Variants in KDM4B observed in about 807,000 individuals in gnomAD.
KDM4B encodes the protein lysine-specific demethylase 4B.
In KDM4B, 32 loss-of-function variants were observed where a neutral mutation model predicts 125.2. The ratio of observed to expected loss-of-function variants is 0.26; its 90% CI spans 0.19 to 0.34. The LOEUF is 0.34. KDM4B is among the 10% of genes least tolerant of loss of function. The probability of loss-of-function intolerance (pLI) is 1.00; values close to 1 mark genes in which losing one functional copy is unlikely to be tolerated. For synonymous variants in KDM4B, 721 were observed against 677.9 expected (o/e 1.06, Z -0.99); for missense variants, 1,190 against 1,577.7 (o/e 0.75, Z 4.16).
chr19:4,986,913 G>A (rs11672800), intron 1 of KDM4B, among the ~76,000 whole-genome samples: 2 of 152,218 alleles, frequency 1.3e-5, no homozygotes, highest in Admixed American at 1.3e-4. Context: ...AAAGGCTGGA[G>A]GCACTGCTGT....
chr19:5,000,283 A>G (rs372867242), intron 1 of KDM4B, among the ~76,000 whole-genome samples: 12 of 140,434 alleles, frequency 8.5e-5, no homozygotes, highest in African/African-American at 2.2e-4. Flanking sequence ...CCGTCCATCC[A>G]TCTATTCATT....
chr19:5,028,178 C>T lies in KDM4B; in HGVS notation c.-25-4688C>T, dbSNP rs144869368. 1.8e-4 allele frequency among the ~76,000 whole-genome samples: 27 copies of T among 152,118 alleles called. 2 individuals are homozygous for T. The East Asian group carries it at 4.5e-3, about 25-fold the overall frequency. On this transcript the variant is annotated intron_variant, in intron 2 of 22. Coordinates refer to ENST00000159111, the MANE Select transcript of KDM4B (RefSeq NM_015015.3). The stretch of plus-strand genomic sequence containing the variant: ...TTTTAGTAGAGATGGGGTCTCCCTA[C>T]GTTGCCTAGGCTGGTCTCGAACTCC...
At position 5,137,947 on chromosome 19, in the gene KDM4B, C is replaced by T; in HGVS notation, c.2442-15C>T. 6.2e-7 allele frequency: 1 copy of T among 1,606,480 alleles called. No homozygotes were observed. The highest frequency in any genetic ancestry group is 8.5e-7 in the Non-Finnish European group (1 of 1,176,050). The stretch of plus-strand genomic sequence containing the variant: ...CTCAGAGGCGCACCTGACCCCGCTG[C>T]ACCTGCCCTCCCAGGTGGATCCACG... On this transcript the variant is annotated splice_polypyrimidine_tract_variant and intron_variant, in intron 17 of 22. Transcript: ENST00000159111.
intron 11 of KDM4B, among the ~76,000 whole-genome samples, chr19:5,125,707 G>A (rs2039436901): frequency 6.6e-6 from 1 of 152,220 alleles, no homozygotes; most frequent in South Asian, 2.1e-4. Context: ...CAGCGAGGAG[G>A]GTTAGGGGCT....
intron 1 of KDM4B, among the ~76,000 whole-genome samples, chr19:4,989,999 G>T (rs895268396): frequency 1.3e-5 from 2 of 152,102 alleles, no homozygotes; most frequent in Non-Finnish European, 2.9e-5. Flanking sequence ...TTTAGAAACA[G>T]TTTGGGCCAG....
chr19:5,136,769 G>A (rs2039655594), intron 15 of KDM4B, among the ~76,000 whole-genome samples: 1 of 152,222 alleles, frequency 6.6e-6, no homozygotes, highest in Non-Finnish European at 1.5e-5. Context: ...AGCAGAGGCA[G>A]AGCCCTGGGG....
At chr19:5,134,668 C>T (rs1045625381) in intron 14 of KDM4B, among the ~76,000 whole-genome samples, 1 of 152,222 alleles carries the variant, frequency 6.6e-6, no homozygotes, top group South Asian at 2.1e-4. Context: ...ATGCTTTGCA[C>T]TCCCAGCTCC....
At chr19:5,066,984 T>C (rs2613766) in intron 6 of KDM4B, among the ~76,000 whole-genome samples, 75,579 of 151,988 alleles carry the variant, frequency 0.5, 19,024 homozygotes, top group East Asian at 0.69. Context: ...CCGGCCGATG[T>C]GAGTCCTCAG....
At chr19:5,040,965 G>A (rs1021830102) in intron 4 of KDM4B, among the ~76,000 whole-genome samples, 172 bp from the exon 5 acceptor site, 1 of 152,350 alleles carries the variant, frequency 6.6e-6, no homozygotes, top group Non-Finnish European at 1.5e-5. Context: ...CCGTGGAAGT[G>A]CGCTGTCCCA....
chr19:5,022,623 C>G (rs550430475), intron 2 of KDM4B, among the ~76,000 whole-genome samples: 17 of 152,266 alleles, frequency 1.1e-4, no homozygotes, highest in African/African-American at 3.6e-4. Flanking sequence ...CGGATGGTCC[C>G]GGGAGTTAGC....
At chr19:5,124,321 G>A (rs1485958758) in intron 11 of KDM4B, among the ~76,000 whole-genome samples, 1 of 152,180 alleles carries the variant, frequency 6.6e-6, no homozygotes, top group East Asian at 1.9e-4. Context: ...CGGGCAGGCT[G>A]CTGCCGCCGC....
At chr19:5,036,314 C>T (rs1160844699) in intron 3 of KDM4B, among the ~76,000 whole-genome samples, 1 of 152,236 alleles carries the variant, frequency 6.6e-6, no homozygotes, top group Non-Finnish European at 1.5e-5. Context: ...TCTGCAGGCC[C>T]GATGGAGCTC....
rs78229937 is a variant in KDM4B, at chr19:5,114,751, C to T, written c.1115+3933C>T. Among the ~76,000 whole-genome samples the T allele has an allele frequency of 0.042, 6,352 of 152,316 alleles. 173 individuals are homozygous for T. Among genetic ancestry groups the T allele is most frequent in the Admixed American group, 0.085 (1,297 of 15,302 alleles). ...CACCTTGTGAGAAGCCCTGAGCCAG[C>T]GCGGCACTGAATGCTGATGGTCCCA... On this transcript the variant is annotated intron_variant, in intron 10 of 22. Transcript: ENST00000159111. This position sits in a 1 kb window ranked among gnomAD's most constrained non-coding sequence, Gnocchi z 5.8.
At chr19:4,977,918 G>T (rs149291136) in intron 1 of KDM4B, among the ~76,000 whole-genome samples, 42 of 152,310 alleles carry the variant, frequency 2.8e-4, no homozygotes, top group African/African-American at 9.9e-4. Flanking sequence ...CCAGGCTGCT[G>T]GACCGGGACA....
At chr19:5,146,060 G>A (rs930450953) in intron 21 of KDM4B, among the ~76,000 whole-genome samples, 6 of 147,966 alleles carry the variant, frequency 4.1e-5, no homozygotes, top group Non-Finnish European at 6.1e-5. Flanking sequence ...GGCCGGCCCC[G>A]CCCGGTCACC....
At chr19:5,027,545 T>G (rs1290099846) in intron 2 of KDM4B, among the ~76,000 whole-genome samples, 1 of 122,322 alleles carries the variant, frequency 8.2e-6, no homozygotes, top group Non-Finnish European at 1.6e-5. Context: ...CTCTTTTCAG[T>G]TTTTTTTTTT....
At position 5,125,719 on chromosome 19, in the gene KDM4B, C is replaced by T. The variant is rs117546166; in HGVS notation, c.1316-5357C>T. 3.9e-3 allele frequency among the ~76,000 whole-genome samples: 600 copies of T among 152,288 alleles called. 15 individuals carry two copies. The highest frequency in any genetic ancestry group is 0.034 in the East Asian group (178 of 5,166). On this transcript the variant is annotated intron_variant, in intron 11 of 22. Transcript: ENST00000159111. ...GACCAGCGAGGAGGGTTAGGGGCTA[C>T]GTTGGTGGCACGTCAGGGTCTCTGC...
chr19:5,050,112 C>T (rs1249094203), intron 6 of KDM4B, among the ~76,000 whole-genome samples: 1 of 152,194 alleles, frequency 6.6e-6, no homozygotes, highest in Admixed American at 6.5e-5. Context: ...CATCTGCAGC[C>T]GCTTAATTGC....
intron 3 of KDM4B, among the ~76,000 whole-genome samples, chr19:5,039,118 C>T (rs1291711424): frequency 2.0e-5 from 3 of 152,216 alleles, no homozygotes; most frequent in Non-Finnish European, 2.9e-5. Context: ...TGAGCTGCAG[C>T]GCTTATGACC....
Sources: allele counts gnomAD v4.1 joint callset (sites outside exome capture counted in the v4.1 genomes callset), GRCh38; gene constraint gnomAD v4.1.1; non-coding constraint Gnocchi (gnomAD v3.1); transcripts MANE v1.5; gene names NCBI Gene and HGNC (gene_info 2026-07-23, HGNC 2026-07-21).